The following ERAP1 variants were observed in gnomAD, a reference collection of about 807,000 sequenced individuals.
The protein encoded by ERAP1 is adipocyte-derived leucine aminopeptidase.
ERAP1 carries 86 observed loss-of-function variants against 103.7 expected under a neutral mutation model. The observed-to-expected ratio is 0.83, with a 90% CI of 0.70 to 0.99. The LOEUF is 0.99. Among genes scored for constraint, ERAP1 ranks in the 50% least tolerant of loss-of-function variants. ERAP1 has a pLI of 0.00. For missense variants in ERAP1, 1,009 were observed against 1,128.4 expected (o/e 0.89, Z 1.52); for synonymous variants, 398 against 402.4 (o/e 0.99, Z 0.13).
At chr5:96,925,547 C>T in the ERAP1 span, among the ~76,000 whole-genome samples, 4 of 152,216 alleles carry the variant, frequency 2.6e-5, no homozygotes, top group Non-Finnish European at 5.9e-5. Context: ...ACCTGTGTCA[C>T]AATCACTTGA....
chr5:96,908,302 G>A, the ERAP1 span, among the ~76,000 whole-genome samples: 1 of 152,106 alleles, frequency 6.6e-6, no homozygotes, highest in Non-Finnish European at 1.5e-5. Flanking sequence ...GGTTATAATC[G>A]TTCGTTTCCT....
chr5:96,814,020 G>A, the ERAP1 span: 4 of 262,574 alleles, frequency 1.5e-5, no homozygotes, highest in South Asian at 8.1e-5. Context: ...TCAATAATAC[G>A]AACATATCAA....
chr5:96,892,185 T>A, the ERAP1 span: 10 of 1,071,026 alleles, frequency 9.3e-6, no homozygotes, highest in African/African-American at 1.4e-4. Context: ...CTTGATGTTT[T>A]CAAAAAGTCT....
At chr5:96,929,526 C>A in the ERAP1 span, among the ~76,000 whole-genome samples, 8 of 151,434 alleles carry the variant, frequency 5.3e-5, no homozygotes, top group Non-Finnish European at 8.8e-5. Context: ...ACTCTGTCAC[C>A]CAGGCTGGAG....
chr5:96,928,717 A>G, the ERAP1 span, among the ~76,000 whole-genome samples: 1 of 152,236 alleles, frequency 6.6e-6, no homozygotes, highest in African/African-American at 2.4e-5. Context: ...GGCAGACATG[A>G]GCATGACAGC....
At chr5:96,900,710 T>C in the ERAP1 span, among the ~76,000 whole-genome samples, 1 of 152,174 alleles carries the variant, frequency 6.6e-6, no homozygotes, top group Non-Finnish European at 1.5e-5. Context: ...AAAGTCTCAC[T>C]CTGTTGCCCA....
intron 8 of ERAP1, 61 bp from the exon 9 acceptor site, chr5:96,790,704 C>A: frequency 2.7e-6 from 4 of 1,476,376 alleles, no homozygotes; most frequent in Non-Finnish European, 3.8e-6. Context: ...TCTGAAATCA[C>A]ATATTCTTTT....
chr5:96,784,068 C>T lies in ERAP1; in HGVS notation c.1956G>A (p.Leu652=), dbSNP rs759647916. 1.6e-4 allele frequency: 253 copies of T among 1,614,120 alleles called. 3 individuals carry two copies. In the Middle Eastern group the frequency reaches 3.8e-3, roughly 24 times the overall value. The change falls in exon 14 of 19, where the codon CTG becomes CTA. Residue 652 remains leucine (L), a synonymous_variant. Transcript: ENST00000443439. The part of the protein sequence containing the change: ...NAFQLVSIGK[L]SIEKALDLSL... ...ATAAATCCAAGGCCTTTTCAATGGACAGCTTCCCAATGCTGACCAAGAGAC... is the reference window on the plus strand; with the variant it reads ...ATAAATCCAAGGCCTTTTCAATGGATAGCTTCCCAATGCTGACCAAGAGAC...
chr5:96,909,241 T>G, the ERAP1 span: 2 of 842,970 alleles, frequency 2.4e-6, no homozygotes, highest in Non-Finnish European at 3.8e-6. Flanking sequence ...GACTGACTGA[T>G]AGCATGTAAT....
At chr5:96,825,970 A>G in the ERAP1 span, among the ~76,000 whole-genome samples, 2 of 152,232 alleles carry the variant, frequency 1.3e-5, no homozygotes, top group African/African-American at 2.4e-5. Flanking sequence ...AGCACCAAGC[A>G]TAGTATGTGG....
At position 96,774,577 on chromosome 5, in the gene ERAP1, GCAAA is replaced by G. The variant is rs1167290727; in HGVS notation, c.*1815_*1818del. 5.1e-6 allele frequency: 5 copies of G among 985,338 alleles called. No homozygotes were observed. The highest frequency in any genetic ancestry group is 6.2e-5 in the Admixed American group (1 of 16,254). 61.0% of individuals were successfully genotyped at this position (985,338 alleles called of 1,614,324 possible). ...GTTTAGAAAATGGGCTTTTCCAAAA[GCAAA>G]CAAAGATAGGTTCCTCAGGTGACCA... On this transcript the variant is annotated 3_prime_UTR_variant, in exon 19 of 19. Transcript: ENST00000443439.
the ERAP1 span, among the ~76,000 whole-genome samples, chr5:96,833,111 TTC>T: frequency 0.022 from 3,377 of 152,272 alleles, 124 homozygotes; most frequent in African/African-American, 0.077. Context: ...AGAAATAAAT[TTC>T]TGTTTTTTAT....
At chr5:96,897,389 T>C in the ERAP1 span, among the ~76,000 whole-genome samples, 3 of 152,182 alleles carry the variant, frequency 2.0e-5, no homozygotes, top group African/African-American at 7.2e-5. Flanking sequence ...AGATTTCACC[T>C]CCTCCTTACA....
the ERAP1 span, among the ~76,000 whole-genome samples, chr5:96,923,998 T>C: frequency 6.6e-6 from 1 of 152,144 alleles, no homozygotes; most frequent in African/African-American, 2.4e-5. Context: ...AGGAGGAAAT[T>C]AAGGGCAGTA....
intron 3 of ERAP1, among the ~76,000 whole-genome samples, chr5:96,799,291 T>C (rs2150985331): frequency 6.6e-6 from 1 of 152,298 alleles, no homozygotes; most frequent in South Asian, 2.1e-4. Flanking sequence ...GTATATATTG[T>C]GTTTTTCTGG....
At chr5:96,807,792 G>T (rs1208213702) in intron 1 of ERAP1, 68 bp downstream of exon 1, 2 of 972,490 alleles carry the variant, frequency 2.1e-6, no homozygotes, top group African/African-American at 1.8e-5. Flanking sequence ...ACGGGCGCAG[G>T]GAAGGGGCGG....
chr5:96,775,306 T>TAATA lies in ERAP1; in HGVS notation c.*1086_*1089dup, dbSNP rs1774000257. ...CAAAGCCAAAGAATGTCCTATTTGC[T>TAATA]AATATGAGCAAATATTTTGTTTCAC... On this transcript the variant is annotated 3_prime_UTR_variant, in exon 19 of 19. Transcript: ENST00000443439. The TAATA allele has an allele frequency of 2.0e-6, 2 of 985,424 alleles. No homozygotes were observed. Among genetic ancestry groups the TAATA allele is most frequent in the Non-Finnish European group, 1.2e-6 (1 of 829,918 alleles). 61.0% of individuals were successfully genotyped at this position (985,424 alleles called of 1,614,324 possible).
the ERAP1 span, among the ~76,000 whole-genome samples, chr5:96,834,094 C>G: frequency 5.3e-5 from 8 of 152,192 alleles, no homozygotes; most frequent in African/African-American, 9.7e-5. Flanking sequence ...AAAGCGGTAG[C>G]CTTAATTTGT....
Position 96,792,048 on chromosome 5 carries a change from A to C in ERAP1, c.1320+13T>G. ...GTATCTAAACTGTATCCTTATACTC[A>C]ATCTACTTTTACCTTATCATAAGAA... On this transcript the variant is annotated intron_variant, in intron 8 of 18. Transcript: ENST00000443439. 1.9e-6 allele frequency: 3 copies of C among 1,613,754 alleles called. No individual in the cohort carries two copies. Among genetic ancestry groups the C allele is most frequent in the Non-Finnish European group, 2.5e-6 (3 of 1,179,684 alleles).
Sources: gnomAD v4.1 joint callset for allele counts (sites outside exome capture counted in the v4.1 genomes callset) on GRCh38, gnomAD v4.1.1 for gene constraint, MANE v1.5 for transcripts, NCBI Gene and HGNC (gene_info 2026-07-23, HGNC 2026-07-21) for gene names.